The following KCNN2 variants were observed in gnomAD, a reference collection of about 807,000 sequenced individuals.
KCNN2 encodes the protein small conductance calcium-activated potassium channel protein 2.
A neutral mutation model predicts 55.5 loss-of-function variants in KCNN2; 24 were observed. That is an observed-to-expected ratio of 0.43 (90% confidence interval 0.31 to 0.61). The LOEUF (loss-of-function observed/expected upper bound fraction) is 0.61, where lower values mean the gene tolerates loss of function less well. Ranked by LOEUF, KCNN2 falls within the 20% of genes least tolerant of loss-of-function variation. The pLI is 0.08. For missense variants in KCNN2, 754 were observed against 853.6 expected (o/e 0.88, Z 1.45); for synonymous variants, 431 against 336.1 (o/e 1.28, Z -3.09).
chr5:114,494,165 T>C (rs1199626527), intron 7 of KCNN2, among the ~76,000 whole-genome samples: 1 of 152,010 alleles, frequency 6.6e-6, no homozygotes, highest in Non-Finnish European at 1.5e-5. Flanking sequence ...CTGGGTGAAT[T>C]CTAAAGGTGG....
At chr5:114,491,392 A>T (rs954252294) in intron 6 of KCNN2, among the ~76,000 whole-genome samples, 2 of 152,070 alleles carry the variant, frequency 1.3e-5, no homozygotes, top group Non-Finnish European at 2.9e-5. Context: ...CAAATGGATT[A>T]AAAAATATTA....
chr5:114,143,287 C>T (rs1245839643), intron 1 of KCNN2, among the ~76,000 whole-genome samples: 1 of 152,080 alleles, frequency 6.6e-6, no homozygotes, highest in East Asian at 1.9e-4. Context: ...ATAGTGTGTG[C>T]ATCAGTAATT....
intron 1 of KCNN2, among the ~76,000 whole-genome samples, chr5:114,067,162 A>T (rs768597989): frequency 6.6e-6 from 1 of 152,222 alleles, no homozygotes; most frequent in Non-Finnish European, 1.5e-5. Context: ...AGGATCTGCC[A>T]CAGGGACCAG....
chr5:114,477,097 C>T (rs1762003552), intron 5 of KCNN2, among the ~76,000 whole-genome samples: 1 of 77,472 alleles, frequency 1.3e-5, no homozygotes, highest in Admixed American at 1.4e-4. Context: ...AAGGTTACTA[C>T]ATATTGTTAG....
Position 114,495,903 on chromosome 5 carries a change from C to T in KCNN2, c.2097C>T (p.Asn699=), listed in dbSNP as rs1341072233. 1.9e-6 allele frequency: 3 copies of T among 1,612,976 alleles called. No individual in the cohort carries two copies. The highest frequency in any genetic ancestry group is 3.3e-5 in the Admixed American group (2 of 59,966). ...NTLVDLAKTQ[N]IMYDMISDLN... ...TCAATCCTGTTTTTCAGACCCAGAA[C>T]ATCATGTATGATATGATTTCTGACT... The change falls in exon 8 of 8, where the codon AAC becomes AAT. Residue 699 remains asparagine (N), a synonymous_variant. Transcript: ENST00000673685.
chr5:114,182,230 T>C (rs867828706), intron 1 of KCNN2, among the ~76,000 whole-genome samples: 6 of 152,152 alleles, frequency 3.9e-5, no homozygotes, highest in Non-Finnish European at 8.8e-5. Context: ...TGAGTTTCTC[T>C]ACTTCTTTGT....
intron 1 of KCNN2, among the ~76,000 whole-genome samples, chr5:114,083,485 C>G (rs1226449208): frequency 6.6e-6 from 1 of 151,812 alleles, no homozygotes; most frequent in Non-Finnish European, 1.5e-5. Context: ...TCTAATTTTC[C>G]TTATCATTTC....
At chr5:114,172,887 T>G (rs915706070) in intron 1 of KCNN2, among the ~76,000 whole-genome samples, 3 of 151,926 alleles carry the variant, frequency 2.0e-5, no homozygotes, top group African/African-American at 7.2e-5. Context: ...GTGGGTTGTC[T>G]CTTCACTTTG....
At chr5:114,065,338 C>A (rs1750423574) in intron 1 of KCNN2, among the ~76,000 whole-genome samples, 1 of 152,130 alleles carries the variant, frequency 6.6e-6, no homozygotes, top group Admixed American at 6.5e-5. Flanking sequence ...AGGCACCATG[C>A]CACACAATAT....
intron 2 of KCNN2, among the ~76,000 whole-genome samples, chr5:114,370,455 A>G (rs1757728469): frequency 6.6e-6 from 1 of 152,138 alleles, no homozygotes; most frequent in Non-Finnish European, 1.5e-5. Flanking sequence ...ACAAAAAATT[A>G]ATAATAAACA....
intron 1 of KCNN2, among the ~76,000 whole-genome samples, chr5:114,115,788 A>G (rs1038153723): frequency 6.6e-6 from 1 of 152,010 alleles, no homozygotes; most frequent in Non-Finnish European, 1.5e-5. Context: ...TTGGTGTTTG[A>G]TACTAGATTT....
At chr5:114,246,475 T>C (rs974534080) in intron 2 of KCNN2, among the ~76,000 whole-genome samples, 39 of 152,176 alleles carry the variant, frequency 2.6e-4, no homozygotes, top group Non-Finnish European at 1.2e-4. Context: ...TGAACTTTAT[T>C]GTTTATAGAG....
At chr5:114,271,596 G>A (rs1007507551) in intron 2 of KCNN2, among the ~76,000 whole-genome samples, 2 of 152,160 alleles carry the variant, frequency 1.3e-5, no homozygotes, top group Admixed American at 6.5e-5. Context: ...AGGATAGCAG[G>A]AAATTTAAGT....
At chr5:114,464,424 A>ACCCTGT (rs1761347169) in intron 4 of KCNN2, among the ~76,000 whole-genome samples, 1 of 152,184 alleles carries the variant, frequency 6.6e-6, no homozygotes, top group Non-Finnish European at 1.5e-5. Context: ...GAAATCAGGT[A>ACCCTGT]CCCTGTTCAA....
At chr5:114,183,254 T>A (rs1388845820) in intron 1 of KCNN2, among the ~76,000 whole-genome samples, 1 of 152,120 alleles carries the variant, frequency 6.6e-6, no homozygotes, top group Non-Finnish European at 1.5e-5. Flanking sequence ...CATTTTTATG[T>A]ATGCTAATAT....
At chr5:114,452,297 T>C (rs1392834942) in intron 3 of KCNN2, among the ~76,000 whole-genome samples, 8 of 152,208 alleles carry the variant, frequency 5.3e-5, no homozygotes, top group Non-Finnish European at 1.2e-4. Context: ...AGAACTGTAA[T>C]TTTAGGTGTC....
chr5:114,109,861 C>A (rs112784096), intron 1 of KCNN2, among the ~76,000 whole-genome samples: 4,511 of 152,170 alleles, frequency 0.03, 235 homozygotes, highest in African/African-American at 0.1. Flanking sequence ...CTGGGAGGGA[C>A]TTGCAAGAGC....
At chr5:114,256,358 T>G (rs770173847) in intron 2 of KCNN2, among the ~76,000 whole-genome samples, 1 of 152,172 alleles carries the variant, frequency 6.6e-6, no homozygotes, top group Non-Finnish European at 1.5e-5. Context: ...AAGTATATTT[T>G]TGGTATAATG....
intron 2 of KCNN2, among the ~76,000 whole-genome samples, chr5:114,397,168 C>T (rs1758645286): frequency 6.6e-6 from 1 of 152,126 alleles, no homozygotes; most frequent in Non-Finnish European, 1.5e-5. Context: ...ATTGTGAATA[C>T]TGCTGCAGTG....
Sources: allele counts gnomAD v4.1 joint callset (sites outside exome capture counted in the v4.1 genomes callset), GRCh38; gene constraint gnomAD v4.1.1; transcripts MANE v1.5; gene names NCBI Gene and HGNC (gene_info 2026-07-23, HGNC 2026-07-21).